Variants in MMP26 observed in about 807,000 individuals in gnomAD.
The protein encoded by MMP26 is matrix metallopeptidase 26.
In MMP26, 33 loss-of-function variants were observed where a neutral mutation model predicts 31.0. That is an observed-to-expected ratio of 1.06 (90% CI 0.81 to 1.42). The LOEUF is 1.42. MMP26 is among the 40% of genes most tolerant of loss of function. MMP26 has a pLI of 0.00. For synonymous variants in MMP26, 122 were observed against 114.9 expected (o/e 1.06, Z -0.40); for missense variants, 347 against 316.1 (o/e 1.10, Z -0.74).
intron 2 of MMP26, among the ~76,000 whole-genome samples, chr11:4,893,244 A>C (rs1338648875): frequency 6.6e-6 from 1 of 152,202 alleles, no homozygotes; most frequent in East Asian, 1.9e-4. Context: ...AATAAAAATA[A>C]GTTAATAAAT....
chr11:4,944,147 C>CAA, intron 2 of MMP26: 1 of 454,602 alleles, frequency 2.2e-6, no homozygotes, highest in South Asian at 1.6e-5. Flanking sequence ...TTATGCACCT[C>CAA]AAACATAGGA....
In MMP26 at chr11:4,769,670, G is replaced by A. The variant is rs564744652; in HGVS notation, c.-145+2329G>A. The A allele has an allele frequency of 7.9e-5, 128 of 1,612,782 alleles. 1 individual carries two copies. The South Asian group carries it at 1.3e-3, about 16-fold the overall frequency. On this transcript the variant is annotated intron_variant, in intron 2 of 7. Transcript: ENST00000380390. The stretch of plus-strand genomic sequence containing the variant: ...TGCCTCAAACCAGAGGATACCTAAT[G>A]TTGTTGACAATGAAGAAACAGTCAA...
chr11:4,723,998 C>T (rs563321953), intron 1 of MMP26: 82 of 714,650 alleles, frequency 1.1e-4, no homozygotes, highest in South Asian at 4.0e-4. Flanking sequence ...CCTCCCATGC[C>T]GCTGGACCCA....
intron 1 of MMP26, among the ~76,000 whole-genome samples, chr11:4,764,637 G>A (rs547140019): frequency 6.6e-6 from 1 of 152,200 alleles, no homozygotes; most frequent in African/African-American, 2.4e-5. Context: ...TTGGGAGGCC[G>A]AGGCGGGTGG....
intron 2 of MMP26, among the ~76,000 whole-genome samples, chr11:4,818,433 G>T (rs1194180245): frequency 6.6e-6 from 1 of 151,622 alleles, no homozygotes; most frequent in African/African-American, 2.4e-5. Flanking sequence ...CTAATCATAG[G>T]TTTGTTATTA....
intron 2 of MMP26, chr11:4,859,937 C>T: frequency 2.1e-6 from 1 of 471,006 alleles, no homozygotes; most frequent in Non-Finnish European, 4.4e-6. Flanking sequence ...ACATCGAGCC[C>T]CAGTGTGAAG....
chr11:4,842,948 A>G (rs935883183), intron 2 of MMP26, among the ~76,000 whole-genome samples: 5 of 152,236 alleles, frequency 3.3e-5, no homozygotes, highest in African/African-American at 7.2e-5. Flanking sequence ...CCAAGGGGCT[A>G]CAGTTCCCAT....
At chr11:4,782,672 C>A (rs1848880487) in intron 2 of MMP26, among the ~76,000 whole-genome samples, 1 of 152,102 alleles carries the variant, frequency 6.6e-6, no homozygotes, top group African/African-American at 2.4e-5. Context: ...ATGTCAGAGA[C>A]CTTTGTGGCC....
intron 2 of MMP26, among the ~76,000 whole-genome samples, chr11:4,888,559 A>C (rs1234571587): frequency 6.6e-6 from 1 of 152,058 alleles, no homozygotes; most frequent in Non-Finnish European, 1.5e-5. Context: ...ATTTTGAAAA[A>C]CTTTTTCCTA....
chr11:4,760,292 C>T (rs1261476840), intron 1 of MMP26, among the ~76,000 whole-genome samples: 1 of 151,982 alleles, frequency 6.6e-6, no homozygotes, highest in East Asian at 1.9e-4. Context: ...ATTTATTTAC[C>T]TCTTTATAGA....
chr11:4,764,273 A>G (rs963688334), intron 1 of MMP26, among the ~76,000 whole-genome samples: 10 of 152,200 alleles, frequency 6.6e-5, no homozygotes, highest in African/African-American at 2.4e-4. Context: ...ATTCAGTTTA[A>G]TCCCCAGGAT....
At chr11:4,716,301 A>G (rs1267643131) in intron 1 of MMP26, among the ~76,000 whole-genome samples, 1 of 152,220 alleles carries the variant, frequency 6.6e-6, no homozygotes, top group Non-Finnish European at 1.5e-5. Flanking sequence ...ACTGTGAGGT[A>G]ATATATGTGT....
chr11:4,937,012 G>A (rs991256933), intron 2 of MMP26, among the ~76,000 whole-genome samples: 2 of 152,000 alleles, frequency 1.3e-5, no homozygotes, highest in African/African-American at 2.4e-5. Flanking sequence ...TTTTTGCTAC[G>A]GATATAAAGA....
intron 1 of MMP26, among the ~76,000 whole-genome samples, chr11:4,763,598 A>G (rs1848594157): frequency 6.6e-6 from 1 of 152,192 alleles, no homozygotes; most frequent in Non-Finnish European, 1.5e-5. Context: ...ACTTCATGAG[A>G]GTACATGCCC....
At chr11:4,705,858 T>C (rs1847768701) in intron 1 of MMP26, among the ~76,000 whole-genome samples, 1 of 140,730 alleles carries the variant, frequency 7.1e-6, no homozygotes. Context: ...TGTGGTGGCA[T>C]GTACCTGTAG....
chr11:4,825,489 T>A (rs572711054), intron 2 of MMP26, among the ~76,000 whole-genome samples: 1 of 152,226 alleles, frequency 6.6e-6, no homozygotes, highest in African/African-American at 2.4e-5. Flanking sequence ...TTTCATGGCA[T>A]ACCCTGCATT....
intron 2 of MMP26, among the ~76,000 whole-genome samples, chr11:4,817,116 C>T (rs1201284493): frequency 2.0e-5 from 3 of 151,540 alleles, no homozygotes; most frequent in African/African-American, 2.4e-5. Flanking sequence ...TTTTGAAGTT[C>T]GAATAACCTA....
At chr11:4,901,252 G>A (rs1364097005) in intron 2 of MMP26, among the ~76,000 whole-genome samples, 1 of 134,132 alleles carries the variant, frequency 7.5e-6, no homozygotes, top group South Asian at 2.6e-4. Flanking sequence ...TCTGCCCCCC[G>A]GGGTTCATGC....
chr11:4,915,575 A>T, intron 2 of MMP26: 1 of 1,614,058 alleles, frequency 6.2e-7, no homozygotes, highest in Non-Finnish European at 8.5e-7. Context: ...GGAGATCCAG[A>T]TGTGCATGCG....
Sources: allele counts gnomAD v4.1 joint callset (sites outside exome capture counted in the v4.1 genomes callset), GRCh38; gene constraint gnomAD v4.1.1; transcripts MANE v1.5; gene names NCBI Gene and HGNC (gene_info 2026-07-23, HGNC 2026-07-21).